The following GALM variants were observed in gnomAD, a reference collection of about 807,000 sequenced individuals.
GALM encodes the protein galactose mutarotase.
Under a neutral mutation model 37.4 loss-of-function variants are expected in GALM, and 43 were observed. The ratio of observed to expected loss-of-function variants is 1.15; its 90% CI spans 0.90 to 1.48. The LOEUF (loss-of-function observed/expected upper bound fraction) is 1.48, where lower values mean the gene tolerates loss of function less well. Ranked by LOEUF, GALM falls within the 40% of genes most tolerant of loss-of-function variation. The pLI is 0.00. For missense variants in GALM, 456 were observed against 419.1 expected, an observed-to-expected ratio of 1.09 and a Z score of -0.77; for synonymous variants, 199 against 170.6, an observed-to-expected ratio of 1.17 and a Z score of -1.30.
chr2:38,731,601 C>T (rs913609406), intron 5 of GALM, 134 bp from the exon 6 acceptor site: 20 of 690,160 alleles, frequency 2.9e-5, no homozygotes, highest in African/African-American at 2.5e-4. Flanking sequence ...GCTCTTCCTA[C>T]CTTCATCTCC....
intron 4 of GALM, among the ~76,000 whole-genome samples, chr2:38,711,351 G>A (rs1448608178): frequency 1.3e-5 from 2 of 151,996 alleles, no homozygotes; most frequent in Non-Finnish European, 2.9e-5. Flanking sequence ...AGTAGAGACA[G>A]GGTTTCACGA....
intron 4 of GALM, among the ~76,000 whole-genome samples, chr2:38,719,895 A>G (rs1197328726): frequency 1.3e-5 from 2 of 151,320 alleles, no homozygotes; most frequent in Admixed American, 6.6e-5. Flanking sequence ...CTTTCCTTGC[A>G]TGTCTCACAC....
At chr2:38,712,324 C>T (rs184066972) in intron 4 of GALM, among the ~76,000 whole-genome samples, 126 of 152,332 alleles carry the variant, frequency 8.3e-4, no homozygotes, top group African/African-American at 3.0e-3. Flanking sequence ...GTGCATATCT[C>T]CTGAAGCTCC....
rs140266762 is a variant in GALM, at chr2:38,684,099, A to C, written c.552+2613A>C. Reference sequence around the variant, plus strand: ...TTATCATATATCTCAAACCCTCCCCAGGCACATAGCTCAAAACCTGATATT... The same window carrying C: ...TTATCATATATCTCAAACCCTCCCCCGGCACATAGCTCAAAACCTGATATT... On this transcript the variant is annotated intron_variant, in intron 3 of 6. Transcript: ENST00000272252. Among the ~76,000 whole-genome samples, 955 of 152,260 alleles carry C rather than the reference A, an allele frequency of 6.3e-3. 13 individuals carry two copies. Among genetic ancestry groups the C allele is most frequent in the African/African-American group, 0.022 (905 of 41,540 alleles).
intron 4 of GALM, among the ~76,000 whole-genome samples, chr2:38,714,743 A>G (rs1195604252): frequency 6.6e-6 from 1 of 152,228 alleles, no homozygotes; most frequent in African/African-American, 2.4e-5. Flanking sequence ...ACTCCAATAC[A>G]GATAATTCTG....
intron 4 of GALM, among the ~76,000 whole-genome samples, chr2:38,726,232 T>A (rs1282203998): frequency 1.3e-5 from 1 of 78,876 alleles, no homozygotes; most frequent in Non-Finnish European, 2.6e-5. Flanking sequence ...TTTTTTTTAT[T>A]TTTTTTTTTT....
At chr2:38,701,286 C>T (rs1378262137) in intron 4 of GALM, among the ~76,000 whole-genome samples, 1 of 151,896 alleles carries the variant, frequency 6.6e-6, no homozygotes, top group Non-Finnish European at 1.5e-5. Context: ...ATGATGTATA[C>T]AATACAGTGC....
Position 38,729,644 on chromosome 2 carries a change from T to G in GALM, c.723T>G (p.Gly241=), listed in dbSNP as rs1267374479. ...ACCTGCAGGACTTCCATCTCAATGGTTTTGACCACAATTTCTGTCTGAAGG... is the reference window on the plus strand; with the variant it reads ...ACCTGCAGGACTTCCATCTCAATGGGTTTGACCACAATTTCTGTCTGAAGG... ...GKHLQDFHLN[G]FDHNFCLKGS... is the part of the protein sequence containing the mutation. The change falls in exon 5 of 7, where the codon GGT becomes GGG. Residue 241 remains glycine (G), a synonymous_variant. Coordinates refer to ENST00000272252, the MANE Select transcript of GALM (RefSeq NM_138801.3). 6.2e-7 allele frequency: 1 copy of G among 1,613,686 alleles called. No homozygotes were observed.
rs183059249 is a variant in GALM, at chr2:38,687,056, C to T, written c.553-2757C>T. On this transcript the variant is annotated intron_variant, in intron 3 of 6. Transcript: ENST00000272252. ...CCAACCTTCACACCCCTTGTCTCGA[C>T]TGACCCAAAGCCCTCTGTGTTGAGC... Among the ~76,000 whole-genome samples the T allele has an allele frequency of 1.6e-3, 244 of 152,332 alleles. 1 individual carries two copies. The highest frequency in any genetic ancestry group is 5.4e-3 in the African/African-American group (226 of 41,580).
At chr2:38,691,339 G>A (rs113055957) in intron 4 of GALM, among the ~76,000 whole-genome samples, 1 of 152,166 alleles carries the variant, frequency 6.6e-6, no homozygotes, top group Non-Finnish European at 1.5e-5. Flanking sequence ...AAAAATCATT[G>A]TGGCAAAGCA....
chr2:38,681,402 G>A lies in GALM; in HGVS notation c.468G>A (p.Glu156=), dbSNP rs373002310. Residue 156 remains glutamate (E), a synonymous_variant, in exon 3 of 7, where the codon GAG becomes GAA. Transcript: ENST00000272252. ...TGACATACACCCTGGATGGCGGAGAGCTCATAGTCAACTACAGAGCACAAG... is the reference window on the plus strand; with the variant it reads ...TGACATACACCCTGGATGGCGGAGAACTCATAGTCAACTACAGAGCACAAG... ...VWVTYTLDGG[E]LIVNYRAQAS... 6 of 1,614,190 alleles carry A rather than the reference G, an allele frequency of 3.7e-6. No individual in the cohort carries two copies. The highest frequency in any genetic ancestry group is 5.1e-6 in the Non-Finnish European group (6 of 1,180,032).
chr2:38,702,704 A>C (rs1394989337), intron 4 of GALM, among the ~76,000 whole-genome samples: 1 of 151,980 alleles, frequency 6.6e-6, no homozygotes, highest in African/African-American at 2.4e-5. Context: ...TCACAGATCC[A>C]AAGTAGGGAG....
At chr2:38,730,333 C>G (rs1036255345) in intron 5 of GALM, among the ~76,000 whole-genome samples, 1 of 152,202 alleles carries the variant, frequency 6.6e-6, no homozygotes, top group Non-Finnish European at 1.5e-5. Context: ...GTGGTGCGAT[C>G]TAGGTTTACT....
chr2:38,701,270 G>T (rs1233555140), intron 4 of GALM, among the ~76,000 whole-genome samples: 2 of 152,122 alleles, frequency 1.3e-5, no homozygotes, highest in Non-Finnish European at 2.9e-5. Context: ...TGCCCAGCAA[G>T]ACATTATGAT....
In GALM at chr2:38,666,296, C is replaced by G. The variant is rs533559413; in HGVS notation, c.135C>G (p.Val45=). The stretch of plus-strand genomic sequence containing the variant: ...GCTGCACGATCACAGCCCTAGAGGT[C>G]AAAGACAGGCAGGGGAGAGCCTCGG... The part of the protein sequence containing the change: ...SWGCTITALE[V]KDRQGRASDV... Residue 45 remains valine, a synonymous_variant, in exon 1 of 7, where the codon GTC becomes GTG. Coordinates refer to ENST00000272252, the MANE Select transcript of GALM (RefSeq NM_138801.3). The G allele has an allele frequency of 6.2e-7, 1 of 1,613,770 alleles. No homozygotes were observed. Among genetic ancestry groups the G allele is most frequent in the East Asian group, 2.2e-5 (1 of 44,862 alleles).
intron 4 of GALM, among the ~76,000 whole-genome samples, chr2:38,728,325 C>A (rs1420185719): frequency 6.6e-6 from 1 of 151,150 alleles, no homozygotes; most frequent in East Asian, 1.9e-4. Flanking sequence ...ACCTGGGAGG[C>A]AGAGGTGGCA....
At chr2:38,726,157 A>G (rs1666481365) in intron 4 of GALM, among the ~76,000 whole-genome samples, 1 of 152,090 alleles carries the variant, frequency 6.6e-6, no homozygotes, top group Non-Finnish European at 1.5e-5. Context: ...TAGAGGATGT[A>G]AAGCAACCTC....
At chr2:38,720,888 C>G (rs567905295) in intron 4 of GALM, among the ~76,000 whole-genome samples, 4 of 152,168 alleles carry the variant, frequency 2.6e-5, no homozygotes, top group Non-Finnish European at 5.9e-5. Context: ...GAGGCTGGAG[C>G]CTTTTACATA....
At chr2:38,698,443 T>C in intron 4 of GALM, 1 of 1,292,014 alleles carries the variant, frequency 7.7e-7, no homozygotes, top group Non-Finnish European at 1.0e-6. Context: ...GCAGGTACAC[T>C]GTCAGGCTGT....
Sources: gnomAD v4.1 joint callset for allele counts (sites outside exome capture counted in the v4.1 genomes callset) on GRCh38, gnomAD v4.1.1 for gene constraint, MANE v1.5 for transcripts, NCBI Gene and HGNC (gene_info 2026-07-23, HGNC 2026-07-21) for gene names.